FCHO2: variants seen among roughly 807,000 people sequenced by gnomAD.
FCHO2 encodes FCH and mu domain containing endocytic adaptor 2.
In FCHO2, 43 loss-of-function variants were observed where a neutral mutation model predicts 114.1. The ratio of observed to expected loss-of-function variants is 0.38; its 90% CI spans 0.30 to 0.49. FCHO2 has a LOEUF of 0.49. Ranked by LOEUF, FCHO2 falls within the 20% of genes least tolerant of loss-of-function variation. FCHO2 has a pLI of 0.97. For synonymous variants in FCHO2, 293 were observed against 315.2 expected, an observed-to-expected ratio of 0.93 and a Z score of 0.75; for missense variants, 807 against 950.4, an observed-to-expected ratio of 0.85 and a Z score of 1.98.
chr5:73,063,278 C>G (rs1054714316), intron 17 of FCHO2, among the ~76,000 whole-genome samples: 1 of 151,866 alleles, frequency 6.6e-6, no homozygotes, highest in Non-Finnish European at 1.5e-5. Context: ...GAACACTTAC[C>G]AAAGTTAATT....
At chr5:73,087,413 A>G (rs1272856278) in intron 24 of FCHO2, among the ~76,000 whole-genome samples, 176 bp from the exon 25 acceptor site, 1 of 152,226 alleles carries the variant, frequency 6.6e-6, no homozygotes, top group African/African-American at 2.4e-5. Flanking sequence ...TTACTTAATG[A>G]AAATTGATAT....
At chr5:73,046,739 G>T (rs1757078758) in intron 11 of FCHO2, among the ~76,000 whole-genome samples, 1 of 152,146 alleles carries the variant, frequency 6.6e-6, no homozygotes, top group African/African-American at 2.4e-5. Context: ...TCTACCTTCA[G>T]TGTTAAAAAT....
At chr5:72,971,821 T>G (rs1466762312) in intron 2 of FCHO2, among the ~76,000 whole-genome samples, 2 of 152,240 alleles carry the variant, frequency 1.3e-5, no homozygotes, top group Non-Finnish European at 2.9e-5. Context: ...TTCTAGGGTT[T>G]TTATGGTTTT....
chr5:73,034,504 T>TTAAC (rs3832345), intron 8 of FCHO2, 153 bp from the exon 9 acceptor site: 151,591 of 512,614 alleles, frequency 0.3, 23,653 homozygotes, highest in East Asian at 0.4. Flanking sequence ...GATATTTTAA[T>TTAAC]TATTAGGTAA....
chr5:73,039,672 A>G (rs935396939), intron 10 of FCHO2, among the ~76,000 whole-genome samples: 5 of 147,180 alleles, frequency 3.4e-5, no homozygotes, highest in African/African-American at 1.2e-4. Flanking sequence ...TCATGCCTGT[A>G]AACCCAGCAT....
At chr5:73,019,472 C>T (rs572244990) in intron 8 of FCHO2, among the ~76,000 whole-genome samples, 9 of 152,138 alleles carry the variant, frequency 5.9e-5, no homozygotes, top group Non-Finnish European at 1.3e-4. Flanking sequence ...AACCCAGAGG[C>T]GGAGGTTGCA....
chr5:72,959,082 A>G (rs563247850), intron 1 of FCHO2, among the ~76,000 whole-genome samples: 79 of 152,354 alleles, frequency 5.2e-4, no homozygotes, highest in Middle Eastern at 3.4e-3. Context: ...CTTCACTTTC[A>G]CTATTGAAAA....
chr5:73,053,549 G>A (rs2112840322), intron 13 of FCHO2, among the ~76,000 whole-genome samples: 2 of 152,260 alleles, frequency 1.3e-5, no homozygotes, highest in East Asian at 3.9e-4. Flanking sequence ...CAAAAAATTA[G>A]CCGGTCGTGG....
rs777571686 is a variant in FCHO2 at position 73,078,162 on chromosome 5, T to C, written c.1848-18T>C. On this transcript the variant is annotated intron_variant, in intron 21 of 25. Coordinates refer to ENST00000430046, the MANE Select transcript of FCHO2 (RefSeq NM_138782.3). ...AGATAAGTCAATAAAATAACAAATA[T>C]ATTTTTTATATATGTAGTGATCCAT... The C allele has an allele frequency of 4.1e-6, 6 of 1,463,086 alleles. No homozygotes were observed. The highest frequency in any genetic ancestry group is 2.6e-5 in the East Asian group (1 of 39,196). The allele number at this position is 1,463,086 out of a possible 1,614,324, so 90.6% of individuals were successfully genotyped here. A position where few individuals can be genotyped will look rare whatever the true frequency, so the allele number is the denominator to read the frequency against.
chr5:72,989,921 T>C lies in FCHO2; in HGVS notation c.200+420T>C, dbSNP rs146485035. On this transcript the variant is annotated intron_variant, in intron 3 of 25. Transcript: ENST00000430046. ...ATGTCTCCTGTGATTTTATAGACTG[T>C]CATTAAATCTTCCTTTTAAAAATTT... Among the ~76,000 whole-genome samples the C allele has an allele frequency of 7.5e-3, 1,139 of 152,082 alleles. 20 individuals are homozygous for C. Among genetic ancestry groups the C allele is most frequent in the African/African-American group, 0.026 (1,089 of 41,566 alleles).
At position 73,033,384 on chromosome 5, in the gene FCHO2, G is replaced by T. The variant is rs564516943; in HGVS notation, c.797-1273G>T. ...TAGAACCACACAGAAATAAATCTTA[G>T]GTTTAGGGGGAGGGAGAGGGACATT... is the stretch of plus-strand genomic sequence containing the variant. On this transcript the variant is annotated intron_variant, in intron 8 of 25. Transcript: ENST00000430046. Among the ~76,000 whole-genome samples, 48 of 152,114 alleles carry T rather than the reference G, an allele frequency of 3.2e-4. No homozygotes were observed. The East Asian group carries it at 8.5e-3, about 27-fold the overall frequency.
At chr5:72,965,354 AT>A in intron 1 of FCHO2, among the ~76,000 whole-genome samples, 1 of 152,202 alleles carries the variant, frequency 6.6e-6, no homozygotes, top group Non-Finnish European at 1.5e-5. Context: ...GTGCAATAGC[AT>A]TTTATCTAAA....
At chr5:73,065,569 G>T (rs1249138723) in intron 18 of FCHO2, among the ~76,000 whole-genome samples, 1 of 152,006 alleles carries the variant, frequency 6.6e-6, no homozygotes, top group Non-Finnish European at 1.5e-5. Context: ...ATATTAGGTT[G>T]TGAGACTTAA....
At position 72,971,817 on chromosome 5, in the gene FCHO2, G is replaced by A. The variant is rs1184468926; in HGVS notation, c.125+3228G>A. Among the ~76,000 whole-genome samples the A allele has an allele frequency of 6.6e-5, 10 of 152,200 alleles. No individual in the cohort carries two copies. The East Asian group carries it at 1.7e-3, about 26-fold the overall frequency. ...TAGTAATGCCTAGGTTTTCTTCTAG[G>A]GTTTTTATGGTTTTAGGTCGAACAT... is the stretch of plus-strand genomic sequence containing the variant. On this transcript the variant is annotated intron_variant, in intron 2 of 25. Coordinates refer to ENST00000430046, the MANE Select transcript of FCHO2 (RefSeq NM_138782.3).
chr5:72,962,661 G>A (rs1331875900), intron 1 of FCHO2, among the ~76,000 whole-genome samples: 1 of 152,158 alleles, frequency 6.6e-6, no homozygotes, highest in Non-Finnish European at 1.5e-5. Flanking sequence ...TTGGGAAGCT[G>A]AGGTGGGCGG....
intron 2 of FCHO2, among the ~76,000 whole-genome samples, chr5:72,975,645 C>T (rs1238028088): frequency 3.9e-5 from 6 of 152,134 alleles, no homozygotes; most frequent in Admixed American, 3.3e-4. Flanking sequence ...GCTGGGACCA[C>T]AGGCATGCAC....
intron 2 of FCHO2, among the ~76,000 whole-genome samples, chr5:72,982,955 C>T (rs971454963): frequency 6.6e-4 from 99 of 150,654 alleles, no homozygotes; most frequent in African/African-American, 1.9e-3. Context: ...TCTCTGTCGC[C>T]GAGGCTGGAG....
At chr5:72,957,181 A>G (rs767927741) in intron 1 of FCHO2, among the ~76,000 whole-genome samples, 10 of 152,252 alleles carry the variant, frequency 6.6e-5, no homozygotes, top group Non-Finnish European at 1.3e-4. Context: ...CAAAGAACGT[A>G]TATACTAGAC....
At chr5:73,007,116 C>A (rs889092355) in intron 6 of FCHO2, among the ~76,000 whole-genome samples, 19 of 152,186 alleles carry the variant, frequency 1.2e-4, no homozygotes, top group Non-Finnish European at 2.6e-4. Flanking sequence ...CTGCTTAGCA[C>A]CTATCGTGAT....
Sources: allele counts gnomAD v4.1 joint callset (sites outside exome capture counted in the v4.1 genomes callset), GRCh38; gene constraint gnomAD v4.1.1; transcripts MANE v1.5; gene names NCBI Gene and HGNC (gene_info 2026-07-23, HGNC 2026-07-21).